The following CDK19 variants were observed in gnomAD, a reference collection of about 807,000 sequenced individuals.
CDK19 encodes the protein cyclin dependent kinase 19.
CDK19 carries 20 observed loss-of-function variants against 68.3 expected under a neutral mutation model. The observed-to-expected ratio is 0.29, with a 90% confidence interval of 0.21 to 0.43. The LOEUF is 0.43. CDK19 is among the 20% of genes least tolerant of loss of function. The pLI, the probability that CDK19 is intolerant of heterozygous loss-of-function variation, is 1.00. For missense variants in CDK19, 339 were observed against 623.5 expected (o/e 0.54, Z 4.86); for synonymous variants, 221 against 222.8 (o/e 0.99, Z 0.07).
chr6:110,677,456 C>T (rs533186665), intron 2 of CDK19, among the ~76,000 whole-genome samples: 44 of 152,000 alleles, frequency 2.9e-4, no homozygotes, highest in Non-Finnish European at 3.8e-4. Flanking sequence ...GTCCCAGCTA[C>T]TCCAGAGGCT....
chr6:110,648,398 C>T (rs1489530428), intron 4 of CDK19, among the ~76,000 whole-genome samples: 1 of 151,666 alleles, frequency 6.6e-6, no homozygotes, highest in Non-Finnish European at 1.5e-5. Flanking sequence ...TTCTATATAC[C>T]AGGAAAAAAA....
intron 1 of CDK19, among the ~76,000 whole-genome samples, chr6:110,785,342 C>A (rs1235051098): frequency 6.6e-6 from 1 of 152,160 alleles, no homozygotes; most frequent in Non-Finnish European, 1.5e-5. Flanking sequence ...ACTTCTGACT[C>A]CCACAAACTT....
rs1019023082 is a variant in CDK19, at chr6:110,774,115, T to C, written c.129-27914A>G. ...TAGGTAACATTCACAATTAATTATATATAATGCAGCTTATTGTATGAAAAG... is the reference window on the plus strand; with the variant it reads ...TAGGTAACATTCACAATTAATTATACATAATGCAGCTTATTGTATGAAAAG... On this transcript the variant is annotated intron_variant, in intron 1 of 12. Coordinates refer to ENST00000368911, the MANE Select transcript of CDK19 (RefSeq NM_015076.5). 3.9e-5 allele frequency among the ~76,000 whole-genome samples: 6 copies of C among 152,254 alleles called. No individual in the cohort carries two copies. The South Asian group carries it at 6.2e-4, about 16-fold the overall frequency.
At chr6:110,718,957 A>G (rs550339862) in intron 2 of CDK19, among the ~76,000 whole-genome samples, 1 of 152,312 alleles carries the variant, frequency 6.6e-6, no homozygotes, top group South Asian at 2.1e-4. Flanking sequence ...GATATGAGGT[A>G]AAGAGTTCTA....
rs73539468 is a variant in CDK19 at position 110,620,347 on chromosome 6, A to G, written c.1377+757T>C. Among the ~76,000 whole-genome samples, 1,314 of 152,118 alleles carry G rather than the reference A, an allele frequency of 8.6e-3. 21 individuals are homozygous for G. Among genetic ancestry groups the G allele is most frequent in the African/African-American group, 0.03 (1,259 of 41,448 alleles). ...TCTATCCTATGCACTCATCTGCAAG[A>G]GTTCCCGGAGGGACTGTGGTTCTAA... is the stretch of plus-strand genomic sequence containing the variant. On this transcript the variant is annotated intron_variant, in intron 12 of 12. Transcript: ENST00000368911.
At chr6:110,710,253 T>C (rs1207044227) in intron 2 of CDK19, among the ~76,000 whole-genome samples, 1 of 152,208 alleles carries the variant, frequency 6.6e-6, no homozygotes, top group Non-Finnish European at 1.5e-5. Flanking sequence ...TTTGTCGAAG[T>C]GTCAAGACTC....
At chr6:110,758,593 G>C (rs924182407) in intron 1 of CDK19, among the ~76,000 whole-genome samples, 2 of 152,014 alleles carry the variant, frequency 1.3e-5, no homozygotes, top group African/African-American at 4.8e-5. Context: ...ATTAGTCTTG[G>C]TCATTTTAAA....
intron 4 of CDK19, chr6:110,645,968 C>CGA: frequency 8.6e-7 from 1 of 1,162,636 alleles, no homozygotes; most frequent in South Asian, 1.3e-5. Context: ...GCTTCTACAA[C>CGA]GAGCACATGC....
At chr6:110,777,561 G>A (rs1780496149) in intron 1 of CDK19, among the ~76,000 whole-genome samples, 1 of 152,202 alleles carries the variant, frequency 6.6e-6, no homozygotes, top group African/African-American at 2.4e-5. Context: ...AAATGGTGCA[G>A]TTGCTATGGA....
intron 3 of CDK19, among the ~76,000 whole-genome samples, chr6:110,668,918 T>C (rs561626960): frequency 1.3e-5 from 2 of 152,230 alleles, no homozygotes; most frequent in Non-Finnish European, 2.9e-5. Flanking sequence ...ACAAATACTA[T>C]CTTCTCAGTA....
At chr6:110,738,266 T>G (rs986125390) in intron 2 of CDK19, among the ~76,000 whole-genome samples, 5 of 151,934 alleles carry the variant, frequency 3.3e-5, no homozygotes, top group Non-Finnish European at 1.5e-5. Context: ...TCACAGCACT[T>G]TGGAAGGCCA....
chr6:110,736,842 C>T (rs144526906), intron 2 of CDK19, among the ~76,000 whole-genome samples: 170 of 152,284 alleles, frequency 1.1e-3, no homozygotes, highest in African/African-American at 3.9e-3. Context: ...AGTCTTTCTT[C>T]ACTCTGCATT....
At chr6:110,723,168 AT>A (rs1438137362) in intron 2 of CDK19, among the ~76,000 whole-genome samples, 8 of 148,938 alleles carry the variant, frequency 5.4e-5, no homozygotes, top group Non-Finnish European at 8.9e-5. Flanking sequence ...AAAAACGCAG[AT>A]TTGTCCTTGT....
Position 110,812,287 on chromosome 6 carries a change from A to AT in CDK19, c.128+2721dup, listed in dbSNP as rs1373631165. Among the ~76,000 whole-genome samples the AT allele has an allele frequency of 2.0e-5, 3 of 152,080 alleles. No homozygotes were observed. The East Asian group carries it at 5.8e-4, about 29-fold the overall frequency. ...AAGTACCCGCCACCATGCCCGGCTA[A>AT]TTCCTTTTGTATTTTTAATAGAGAC... On this transcript the variant is annotated intron_variant, in intron 1 of 12. Coordinates refer to ENST00000368911, the MANE Select transcript of CDK19 (RefSeq NM_015076.5).
In CDK19 at chr6:110,659,981, T is replaced by C. The variant is rs1781519376; in HGVS notation, c.456+7453A>G. Reference sequence around the variant, plus strand: ...TAAATAAAAAATGACAATAACAGGATCCAGGTATCATTTAATTTTTGCTCT... The same window carrying C: ...TAAATAAAAAATGACAATAACAGGACCCAGGTATCATTTAATTTTTGCTCT... On this transcript the variant is annotated intron_variant, in intron 4 of 12. Transcript: ENST00000368911. Among the ~76,000 whole-genome samples the C allele has an allele frequency of 2.6e-5, 4 of 152,176 alleles. 1 individual carries two copies. The South Asian group carries it at 8.3e-4, about 31-fold the overall frequency.
intron 2 of CDK19, chr6:110,707,012 A>AAC (rs1774562892): frequency 6.6e-6 from 1 of 151,128 alleles, no homozygotes; most frequent in South Asian, 2.1e-4. Flanking sequence ...AAAAAAAAAA[A>AAC]AAAAAACTGA....
At chr6:110,810,951 T>C (rs1783046671) in intron 1 of CDK19, among the ~76,000 whole-genome samples, 1 of 152,158 alleles carries the variant, frequency 6.6e-6, no homozygotes, top group Middle Eastern at 3.2e-3. Context: ...TTATCAAGAC[T>C]GGAGGTAAGA....
At chr6:110,759,428 A>AATATATATAT (rs34490988) in intron 1 of CDK19, among the ~76,000 whole-genome samples, 7 of 50,904 alleles carry the variant, frequency 1.4e-4, no homozygotes, top group African/African-American at 3.5e-4. Context: ...AAAAAAAAAA[A>AATATATATAT]ATATATATAT....
chr6:110,785,929 G>A (rs560729456), intron 1 of CDK19, among the ~76,000 whole-genome samples: 171 of 151,230 alleles, frequency 1.1e-3, no homozygotes, highest in African/African-American at 4.0e-3. Context: ...GTCGTGAGTC[G>A]AGATGAAGCC....
Sources: gnomAD v4.1 joint callset for allele counts (sites outside exome capture counted in the v4.1 genomes callset) on GRCh38, gnomAD v4.1.1 for gene constraint, MANE v1.5 for transcripts, NCBI Gene and HGNC (gene_info 2026-07-23, HGNC 2026-07-21) for gene names.